Variants in SCGB2B2 observed in about 807,000 individuals in gnomAD.
The protein encoded by SCGB2B2 is secretoglobin family 2B member 2.
Under a neutral mutation model 7.6 loss-of-function variants are expected in SCGB2B2, and 11 were observed. The observed-to-expected ratio is 1.45, with a 90% CI of 0.91 to 2.40. The LOEUF (loss-of-function observed/expected upper bound fraction) is 2.40. Ranked by LOEUF, SCGB2B2 falls within the 30% of genes most tolerant of loss-of-function variation. The probability of loss-of-function intolerance (pLI) is 0.00; values close to 1 mark genes in which losing one functional copy is unlikely to be tolerated. For missense variants in SCGB2B2, 104 were observed against 115.4 expected, an observed-to-expected ratio of 0.90 and a Z score of 0.45; for synonymous variants, 50 against 48.6, an observed-to-expected ratio of 1.03 and a Z score of -0.12.
chr19:34,615,440 T>G (rs1389528840), intron 1 of SCGB2B2, among the ~76,000 whole-genome samples: 1 of 58,072 alleles, frequency 1.7e-5, no homozygotes, highest in Non-Finnish European at 5.0e-5. Flanking sequence ...AGGTCCAGCA[T>G]TTTTTTTTTT....
intron 1 of SCGB2B2, among the ~76,000 whole-genome samples, chr19:34,599,802 A>G (rs2065570608): frequency 6.7e-6 from 1 of 148,752 alleles, no homozygotes; most frequent in African/African-American, 2.5e-5. Context: ...TTCCTTCTCC[A>G]TTTCTCCCCT....
intron 1 of SCGB2B2, among the ~76,000 whole-genome samples, chr19:34,638,862 A>G (rs2066763373): frequency 6.6e-6 from 1 of 152,166 alleles, no homozygotes; most frequent in Admixed American, 6.5e-5. Context: ...TTAAACCCCA[A>G]TAAAAGGGAC....
intron 1 of SCGB2B2, among the ~76,000 whole-genome samples, chr19:34,622,530 A>AC (rs2066268438): frequency 6.6e-6 from 1 of 152,190 alleles, no homozygotes; most frequent in Admixed American, 6.5e-5. Flanking sequence ...TCATTTCCTT[A>AC]CCTAGTGCTC....
At position 34,601,276 on chromosome 19, in the gene SCGB2B2, T is replaced by C. The variant is rs138790029; in HGVS notation, c.-2031-4682A>G. Among the ~76,000 whole-genome samples, 646 of 152,348 alleles carry C rather than the reference T, an allele frequency of 4.2e-3. 4 individuals carry two copies. Among genetic ancestry groups the C allele is most frequent in the African/African-American group, 0.014 (584 of 41,584 alleles). ...CTGTCTCTATGCCAATGTGGCACTG[T>C]GTTGACTACACACTAAAGCTTTAGT... On this transcript the variant is annotated intron_variant, in intron 1 of 3. Coordinates refer to ENST00000601241, the MANE Select transcript of SCGB2B2 (RefSeq NM_001025591.4).
intron 1 of SCGB2B2, among the ~76,000 whole-genome samples, chr19:34,665,001 C>T (rs2067574487): frequency 6.6e-6 from 1 of 152,224 alleles, no homozygotes; most frequent in African/African-American, 2.4e-5. Context: ...GGGGACGCCC[C>T]CACACCGGCC....
intron 1 of SCGB2B2, among the ~76,000 whole-genome samples, chr19:34,674,442 C>A (rs560597804): frequency 6.6e-6 from 1 of 152,080 alleles, no homozygotes; most frequent in African/African-American, 2.4e-5. Flanking sequence ...AACGGGCCCA[C>A]AAAATCTTCA....
chr19:34,608,684 T>TATATATATATATATATATACAC (rs879668084), intron 1 of SCGB2B2: 3 of 126,622 alleles, frequency 2.4e-5, no homozygotes, highest in South Asian at 3.0e-4. Context: ...TATATATATA[T>TATATATATATATATATATACAC]ACCGTATTTT....
At chr19:34,622,432 T>A (rs1375623937) in intron 1 of SCGB2B2, among the ~76,000 whole-genome samples, 1 of 152,196 alleles carries the variant, frequency 6.6e-6, no homozygotes, top group East Asian at 1.9e-4. Context: ...TGTACCTGGG[T>A]ATTCCTAGTT....
At chr19:34,620,172 A>C (rs1164531379) in intron 1 of SCGB2B2, among the ~76,000 whole-genome samples, 1 of 152,044 alleles carries the variant, frequency 6.6e-6, no homozygotes, top group African/African-American at 2.4e-5. Context: ...ATTGGAAATG[A>C]CCCAGGTATA....
chr19:34,594,108 T>C, intron 3 of SCGB2B2, 67 bp downstream of exon 3: 3 of 1,290,544 alleles, frequency 2.3e-6, no homozygotes, highest in Non-Finnish European at 3.3e-6. Context: ...GGAAGGCAAG[T>C]GCAGGGAAGT....
chr19:34,653,611 T>C (rs971675829), intron 1 of SCGB2B2, among the ~76,000 whole-genome samples: 1 of 151,214 alleles, frequency 6.6e-6, no homozygotes, highest in Non-Finnish European at 1.5e-5. Flanking sequence ...ATTAACAGAA[T>C]TATACAATAT....
At chr19:34,670,254 G>A (rs531918111) in intron 1 of SCGB2B2, among the ~76,000 whole-genome samples, 1 of 152,258 alleles carries the variant, frequency 6.6e-6, no homozygotes, top group East Asian at 1.9e-4. Flanking sequence ...ATAAAATACA[G>A]AAAATAAAAA....
chr19:34,590,209 T>C (rs909073450), downstream of SCGB2B2, among the ~76,000 whole-genome samples: 3 of 152,078 alleles, frequency 2.0e-5, no homozygotes, highest in Non-Finnish European at 1.5e-5. Context: ...AGAAGGGGTA[T>C]GGTTTCCACC....
chr19:34,650,170 G>C (rs542469983), intron 1 of SCGB2B2, among the ~76,000 whole-genome samples: 77 of 151,306 alleles, frequency 5.1e-4, no homozygotes, highest in Admixed American at 1.5e-3. Context: ...TGACCCTTGT[G>C]GGGTGGTTCA....
chr19:34,623,552 AG>A (rs1371232889), intron 1 of SCGB2B2, among the ~76,000 whole-genome samples: 1 of 152,198 alleles, frequency 6.6e-6, no homozygotes, highest in African/African-American at 2.4e-5. Flanking sequence ...GCTAGTCAGC[AG>A]GAGTAGTCAT....
chr19:34,670,578 T>A (rs1274429906), intron 1 of SCGB2B2, among the ~76,000 whole-genome samples: 1 of 152,226 alleles, frequency 6.6e-6, no homozygotes, highest in Non-Finnish European at 1.5e-5. Flanking sequence ...CCATTTAAAC[T>A]TTTTTCTTTA....
At chr19:34,643,809 AT>A (rs2066912831) in intron 1 of SCGB2B2, among the ~76,000 whole-genome samples, 1 of 152,200 alleles carries the variant, frequency 6.6e-6, no homozygotes, top group Admixed American at 6.5e-5. Context: ...TTTCAAAAAA[AT>A]ATTAATTTAA....
At chr19:34,655,337 C>T (rs2067255032) in intron 1 of SCGB2B2, among the ~76,000 whole-genome samples, 1 of 151,262 alleles carries the variant, frequency 6.6e-6, no homozygotes. Context: ...AGCCTGCTAC[C>T]TGGAGGCTTA....
chr19:34,598,812 C>A (rs1005762376), intron 1 of SCGB2B2, among the ~76,000 whole-genome samples: 13 of 152,236 alleles, frequency 8.5e-5, no homozygotes, highest in African/African-American at 3.1e-4. Context: ...CTTCTGATCC[C>A]CAGTTGTTTG....
Sources: gnomAD v4.1 joint callset for allele counts (sites outside exome capture counted in the v4.1 genomes callset) on GRCh38, gnomAD v4.1.1 for gene constraint, MANE v1.5 for transcripts, NCBI Gene and HGNC (gene_info 2026-07-23, HGNC 2026-07-21) for gene names.